The following ACTR3C variants were observed in gnomAD, a reference collection of about 807,000 sequenced individuals.
The protein encoded by ACTR3C is actin related protein 3C.
Under a neutral mutation model 26.3 loss-of-function variants are expected in ACTR3C, and 18 were observed. That is an observed-to-expected ratio of 0.68 (90% CI 0.47 to 1.01). The LOEUF is 1.01. ACTR3C is among the 50% of genes least tolerant of loss of function. ACTR3C has a pLI of 0.00. For synonymous variants in ACTR3C, 55 were observed against 94.5 expected, an observed-to-expected ratio of 0.58 and a Z score of 2.42; for missense variants, 184 against 250.7, an observed-to-expected ratio of 0.73 and a Z score of 1.80.
the ACTR3C span, among the ~76,000 whole-genome samples, chr7:150,133,272 T>C: frequency 6.6e-6 from 1 of 152,132 alleles, no homozygotes; most frequent in Non-Finnish European, 1.5e-5. Flanking sequence ...GGTCAGCTAA[T>C]GGACTAGTCA....
the ACTR3C span, among the ~76,000 whole-genome samples, chr7:150,115,603 C>G: frequency 6.6e-6 from 1 of 152,184 alleles, no homozygotes; most frequent in African/African-American, 2.4e-5. Flanking sequence ...CTCTCTAGCC[C>G]AATCAAAGAT....
At chr7:150,139,513 A>C in the ACTR3C span, among the ~76,000 whole-genome samples, 1 of 152,412 alleles carries the variant, frequency 6.6e-6, no homozygotes. Context: ...AGACCTAGAT[A>C]AATGCCAAAC....
the ACTR3C span, among the ~76,000 whole-genome samples, chr7:150,129,241 A>G: frequency 6.6e-6 from 1 of 152,010 alleles, no homozygotes. Context: ...CTGCCAAAAG[A>G]TATCTGCCAA....
chr7:150,298,142 CAT>C (rs1308349452), intron 1 of ACTR3C, among the ~76,000 whole-genome samples: 1 of 150,914 alleles, frequency 6.6e-6, no homozygotes, highest in Non-Finnish European at 1.5e-5. Flanking sequence ...GAGGCAAGAA[CAT>C]GTGGCAATAC....
At chr7:149,937,737 G>C in the ACTR3C span, among the ~76,000 whole-genome samples, 1 of 152,188 alleles carries the variant, frequency 6.6e-6, no homozygotes, top group African/African-American at 2.4e-5. Flanking sequence ...TCGGGGATGG[G>C]AGGGTCCGGG....
At chr7:150,143,853 G>A in the ACTR3C span, among the ~76,000 whole-genome samples, 3 of 152,310 alleles carry the variant, frequency 2.0e-5, no homozygotes, top group African/African-American at 4.8e-5. Context: ...GGCAGAAGCC[G>A]GGAGGCAAGA....
At chr7:150,308,013 G>A (rs750432330) in intron 1 of ACTR3C, among the ~76,000 whole-genome samples, 3 of 152,068 alleles carry the variant, frequency 2.0e-5, no homozygotes, top group Non-Finnish European at 4.4e-5. Flanking sequence ...CCAAACTCTG[G>A]AGCTGGTCAC....
At chr7:150,070,506 G>A in the ACTR3C span, among the ~76,000 whole-genome samples, 171 of 152,146 alleles carry the variant, frequency 1.1e-3, no homozygotes, top group African/African-American at 3.9e-3. Flanking sequence ...GCTGGAGTGC[G>A]GTGGTACTAA....
the ACTR3C span, among the ~76,000 whole-genome samples, chr7:150,116,446 T>C: frequency 6.6e-6 from 1 of 152,228 alleles, no homozygotes; most frequent in Non-Finnish European, 1.5e-5. Context: ...CTTGTGTACA[T>C]GTTTCTATGA....
At chr7:149,992,205 C>T in the ACTR3C span, among the ~76,000 whole-genome samples, 1 of 152,354 alleles carries the variant, frequency 6.6e-6, no homozygotes, top group African/African-American at 2.4e-5. Context: ...CCGAAGGGTC[C>T]CTGAGAAAAT....
At chr7:149,999,400 C>T in the ACTR3C span, among the ~76,000 whole-genome samples, 12 of 150,664 alleles carry the variant, frequency 8.0e-5, 1 homozygote, top group African/African-American at 2.4e-4. Context: ...TCAAAGGGCT[C>T]GCAGCACGGC....
intron 2 of ACTR3C, among the ~76,000 whole-genome samples, chr7:150,294,751 C>A (rs1836590899): frequency 6.6e-6 from 1 of 151,782 alleles, no homozygotes; most frequent in Admixed American, 6.6e-5. Context: ...TCAGTCAATT[C>A]CCTTACATAA....
the ACTR3C span, among the ~76,000 whole-genome samples, chr7:150,161,102 C>G: frequency 4.0e-5 from 6 of 150,234 alleles, no homozygotes; most frequent in African/African-American, 1.5e-4. Context: ...CCTTAATGTT[C>G]TGATCATGAA....
intron 1 of ACTR3C, among the ~76,000 whole-genome samples, chr7:150,299,464 CAAAAAAAAAAAAAAA>C (rs759969034): frequency 4.3e-4 from 6 of 14,112 alleles, no homozygotes; most frequent in Non-Finnish European, 5.3e-4. Context: ...GACCCCCTCT[CAAAAAAAAAAAAAAA>C]AAAAAAAAAA....
chr7:150,180,067 A>G, the ACTR3C span, among the ~76,000 whole-genome samples: 1 of 150,980 alleles, frequency 6.6e-6, no homozygotes, highest in African/African-American at 2.5e-5. Flanking sequence ...GCACTTTGGG[A>G]GGCCGAGGGG....
the ACTR3C span, among the ~76,000 whole-genome samples, chr7:150,198,268 C>T: frequency 6.7e-6 from 1 of 149,390 alleles, no homozygotes; most frequent in Non-Finnish European, 1.5e-5. Flanking sequence ...GCCGCCACCC[C>T]GTCTGGGAAG....
chr7:150,228,006 A>C, the ACTR3C span, among the ~76,000 whole-genome samples: 1 of 152,072 alleles, frequency 6.6e-6, no homozygotes, highest in South Asian at 2.1e-4. Context: ...TCCTTCCCTT[A>C]TATTTTAGCT....
the ACTR3C span, among the ~76,000 whole-genome samples, chr7:150,128,318 C>T: frequency 6.6e-6 from 1 of 152,200 alleles, no homozygotes; most frequent in Non-Finnish European, 1.5e-5. Flanking sequence ...TTTGTAAATA[C>T]TTCAATATTG....
At chr7:150,266,687 G>GT (rs1420887394) in intron 6 of ACTR3C, among the ~76,000 whole-genome samples, 1 of 152,212 alleles carries the variant, frequency 6.6e-6, no homozygotes, top group Non-Finnish European at 1.5e-5. Context: ...CAAAGAATTT[G>GT]TATCTAGGAT....
Sources: gnomAD v4.1 joint callset for allele counts (sites outside exome capture counted in the v4.1 genomes callset) on GRCh38, gnomAD v4.1.1 for gene constraint, MANE v1.5 for transcripts, NCBI Gene and HGNC (gene_info 2026-07-23, HGNC 2026-07-21) for gene names.